Variants in NUDT4 observed in about 807,000 individuals in gnomAD.
NUDT4 encodes the protein nudix hydrolase 4, also known as diphosphoinositol polyphosphate phosphohydrolase 2.
A neutral mutation model predicts 23.1 loss-of-function variants in NUDT4; 5 were observed. The observed-to-expected ratio is 0.22, with a 90% CI of 0.11 to 0.46. The LOEUF (loss-of-function observed/expected upper bound fraction) is 0.46, where lower values mean the gene tolerates loss of function less well. NUDT4 is among the 20% of genes least tolerant of loss of function. The probability of loss-of-function intolerance (pLI) is 0.99; values close to 1 mark genes in which losing one functional copy is unlikely to be tolerated. For missense variants in NUDT4, 96 were observed against 211.6 expected (o/e 0.45, Z 3.39); for synonymous variants, 50 against 79.0 (o/e 0.63, Z 1.95).
chr12:93,378,978 C>T (rs551990811), intron 1 of NUDT4, among the ~76,000 whole-genome samples: 1 of 152,110 alleles, frequency 6.6e-6, no homozygotes, highest in Non-Finnish European at 1.5e-5. Context: ...ATAATTATGC[C>T]TCATTTTTAA....
chr12:93,392,245 C>CCA (rs998922596), intron 1 of NUDT4, among the ~76,000 whole-genome samples: 5 of 83,874 alleles, frequency 6.0e-5, no homozygotes, highest in Non-Finnish European at 1.1e-4. Context: ...CCTTTGTTTC[C>CCA]CCCCCCCCCT....
intron 1 of NUDT4, among the ~76,000 whole-genome samples, chr12:93,385,917 T>C (rs1283511959): frequency 3.5e-5 from 2 of 56,402 alleles, no homozygotes; most frequent in African/African-American, 2.5e-4. Context: ...ATAGATTTTA[T>C]ATATATATAT....
Position 93,402,297 on chromosome 12 carries a change from CAA to C in NUDT4, c.*2922_*2923del, listed in dbSNP as rs1369376900. 1 of 150,884 alleles carries C rather than the reference CAA, an allele frequency of 6.6e-6. No homozygotes were observed. The highest frequency in any genetic ancestry group is 1.5e-5 in the Non-Finnish European group (1 of 67,636). The allele number at this position is 150,884 out of a possible 1,614,324, so 9.3% of individuals were successfully genotyped here. ...AATGATCATGGCTTTAAAAAAAAAA[CAA>C]AAACACACACACATGAACTCAGATT... On this transcript the variant is annotated 3_prime_UTR_variant, in exon 5 of 5. Transcript: ENST00000415493.
chr12:93,379,302 C>G (rs1875458800), intron 1 of NUDT4, among the ~76,000 whole-genome samples: 1 of 152,140 alleles, frequency 6.6e-6, no homozygotes, highest in African/African-American at 2.4e-5. Flanking sequence ...TTTAAAATGG[C>G]TAACTGTTGA....
intron 3 of NUDT4, among the ~76,000 whole-genome samples, chr12:93,397,728 T>G (rs1030332320): frequency 3.3e-5 from 5 of 152,038 alleles, no homozygotes; most frequent in African/African-American, 1.2e-4. Flanking sequence ...TTTCACCATG[T>G]TGGACAGGCT....
At chr12:93,380,151 G>A (rs4247307) in intron 1 of NUDT4, among the ~76,000 whole-genome samples, 74,933 of 151,926 alleles carry the variant, frequency 0.49, 19,382 homozygotes, top group African/African-American at 0.65. Flanking sequence ...TGTTTGTTGA[G>A]TGAGTGAGAT....
In NUDT4 at chr12:93,404,186, T is replaced by C. The variant is rs879304770; in HGVS notation, c.*4807T>C. ...TTATCAACCTTAAGAAACATGCCTA[T>C]TGACGAAGTAAATATACTAGGAATT... On this transcript the variant is annotated 3_prime_UTR_variant, in exon 5 of 5. Transcript: ENST00000415493. 5 of 152,200 alleles carry C rather than the reference T, an allele frequency of 3.3e-5. No homozygotes were observed. The highest frequency in any genetic ancestry group is 7.3e-5 in the Non-Finnish European group (5 of 68,034). 9.4% of individuals were successfully genotyped at this position (152,200 alleles called of 1,614,324 possible). A position where few individuals can be genotyped will look rare whatever the true frequency, so the allele number is the denominator to read the frequency against.
At chr12:93,392,817 T>C (rs1224311045) in intron 1 of NUDT4, among the ~76,000 whole-genome samples, 1 of 130,368 alleles carries the variant, frequency 7.7e-6, no homozygotes, top group African/African-American at 2.8e-5. Context: ...TAGCTGGGAT[T>C]ACAGGCATGC....
At position 93,395,381 on chromosome 12, in the gene NUDT4, G is replaced by A. The variant is rs926672692; in HGVS notation, c.211-108G>A. 5.2e-6 allele frequency: 4 copies of A among 766,922 alleles called. No individual in the cohort carries two copies. In the African/African-American group the frequency reaches 5.3e-5, roughly 10 times the overall value. 47.5% of individuals were successfully genotyped at this position (766,922 alleles called of 1,614,324 possible). A position where few individuals can be genotyped will look rare whatever the true frequency, so the allele number is the denominator to read the frequency against. ...GAAGATAGTGAGTTGGTATGGGGAG[G>A]GGTATTGTATTTAATTAGATTTAAG... On this transcript the variant is annotated intron_variant, in intron 2 of 4. Coordinates refer to ENST00000415493, the MANE Select transcript of NUDT4 (RefSeq NM_019094.6).
intron 3 of NUDT4, 101 bp from the exon 4 acceptor site, chr12:93,398,670 A>G (rs1877119874): frequency 1.4e-6 from 1 of 708,928 alleles, no homozygotes. Flanking sequence ...GAAATACGCT[A>G]TGCTAATCAG....
intron 1 of NUDT4, among the ~76,000 whole-genome samples, chr12:93,385,451 G>A (rs1219183165): frequency 2.6e-5 from 4 of 152,106 alleles, no homozygotes; most frequent in Admixed American, 6.6e-5. Context: ...CTCTGTCATC[G>A]CTAATGTAAC....
chr12:93,402,207 TTGAGA>T lies in NUDT4; in HGVS notation c.*2830_*2834del, dbSNP rs1237050724. On this transcript the variant is annotated 3_prime_UTR_variant, in exon 5 of 5. Transcript: ENST00000415493. ...ACTGAATTGCTTTGCATGGTCTCAT[TTGAGA>T]TAATTGATGTAAGAATCCTGACTTT... 1 of 152,108 alleles carries T rather than the reference TTGAGA, an allele frequency of 6.6e-6. No individual in the cohort carries two copies. Among genetic ancestry groups the T allele is most frequent in the Non-Finnish European group, 1.5e-5 (1 of 68,002 alleles). The allele number at this position is 152,108 out of a possible 1,614,324, so 9.4% of individuals were successfully genotyped here. A position where few individuals can be genotyped will look rare whatever the true frequency, so the allele number is the denominator to read the frequency against.
rs1877548038 is a variant in NUDT4, at chr12:93,402,694, T to C, written c.*3315T>C. On this transcript the variant is annotated 3_prime_UTR_variant, in exon 5 of 5. Coordinates refer to ENST00000415493, the MANE Select transcript of NUDT4 (RefSeq NM_019094.6). ...ATAGTATAGTATGTGGTTGCTTTAC[T>C]GCTGTTCTCCCCACCCCCGTGGAGT... The C allele has an allele frequency of 6.6e-6, 1 of 152,246 alleles. No homozygotes were observed. Among genetic ancestry groups the C allele is most frequent in the African/African-American group, 2.4e-5 (1 of 41,464 alleles). 9.4% of individuals were successfully genotyped at this position (152,246 alleles called of 1,614,324 possible). A position where few individuals can be genotyped will look rare whatever the true frequency, so the allele number is the denominator to read the frequency against.
chr12:93,395,414 C>T, intron 2 of NUDT4, 75 bp from the exon 3 acceptor site: 1 of 1,027,326 alleles, frequency 9.7e-7, no homozygotes, highest in Non-Finnish European at 1.5e-6. Flanking sequence ...AAGTAAATAG[C>T]CAGAGTGTAA....
chr12:93,397,533 G>GT (rs35441356), intron 3 of NUDT4, among the ~76,000 whole-genome samples: 399 of 145,408 alleles, frequency 2.7e-3, no homozygotes, highest in African/African-American at 5.3e-3. Context: ...TTTAATTTAT[G>GT]TTTTTTTTTT....
At chr12:93,395,232 T>C (rs1876851155) in intron 2 of NUDT4, among the ~76,000 whole-genome samples, 2 of 151,852 alleles carry the variant, frequency 1.3e-5, no homozygotes, top group South Asian at 4.2e-4. Context: ...GTGATCCTTC[T>C]GCCTCGGCCT....
chr12:93,398,649 G>A (rs1042630269), intron 3 of NUDT4, 122 bp from the exon 4 acceptor site: 16 of 635,610 alleles, frequency 2.5e-5, no homozygotes, highest in Non-Finnish European at 4.5e-5. Context: ...GAATATACTT[G>A]CCTGTGCTGG....
rs2121033695 is a variant in NUDT4 at position 93,405,696 on chromosome 12, A to T, written c.*6317A>T. 1 of 152,324 alleles carries T rather than the reference A, an allele frequency of 6.6e-6. No individual in the cohort carries two copies. Among genetic ancestry groups the T allele is most frequent in the South Asian group, 2.1e-4 (1 of 4,822 alleles). 9.4% of individuals were successfully genotyped at this position (152,324 alleles called of 1,614,324 possible). ...AATATATTACTAGTCCAGGTGGTAG[A>T]TGACAGATTTTTATTATTTACACTT... On this transcript the variant is annotated 3_prime_UTR_variant, in exon 5 of 5. Transcript: ENST00000415493.
At chr12:93,380,052 G>C (rs185180894) in intron 1 of NUDT4, among the ~76,000 whole-genome samples, 45 of 152,318 alleles carry the variant, frequency 3.0e-4, no homozygotes, top group African/African-American at 9.6e-4. Flanking sequence ...GGAGACAGTT[G>C]CAGAGCATAA....
Sources: gnomAD v4.1 joint callset for allele counts (sites outside exome capture counted in the v4.1 genomes callset) on GRCh38, gnomAD v4.1.1 for gene constraint, MANE v1.5 for transcripts, NCBI Gene and HGNC (gene_info 2026-07-23, HGNC 2026-07-21) for gene names.